Variants in FUT8 observed in about 807,000 individuals in gnomAD.
FUT8 encodes the protein fucosyltransferase 8.
In FUT8, 29 loss-of-function variants were observed where a neutral mutation model predicts 71.3. That is an observed-to-expected ratio of 0.41 (90% CI 0.30 to 0.55). The LOEUF (loss-of-function observed/expected upper bound fraction) is 0.55. Among genes scored for constraint, FUT8 ranks in the 20% least tolerant of loss-of-function variants. FUT8 has a pLI of 0.34. For missense variants in FUT8, 544 were observed against 702.1 expected (o/e 0.77, Z 2.55); for synonymous variants, 254 against 239.3 (o/e 1.06, Z -0.57).
chr14:65,593,161 T>G (rs1446426828), intron 3 of FUT8, among the ~76,000 whole-genome samples: 1 of 152,224 alleles, frequency 6.6e-6, no homozygotes, highest in Admixed American at 6.5e-5. Flanking sequence ...GATTTTACCT[T>G]ATTTTCTGAA....
chr14:65,393,652 G>A, the FUT8 span, among the ~76,000 whole-genome samples: 2 of 152,188 alleles, frequency 1.3e-5, no homozygotes, highest in East Asian at 3.8e-4. Context: ...GCTTGCTTTA[G>A]AATCTGGCAT....
rs964692252 is a variant in FUT8 at position 65,650,018 on chromosome 14, T to C, written c.598-19225T>C. Among the ~76,000 whole-genome samples the C allele has an allele frequency of 4.6e-5, 7 of 152,112 alleles. No homozygotes were observed. The East Asian group carries it at 5.8e-4, about 13-fold the overall frequency. ...ACACTGCTATAAAGAAATACCTGGC[T>C]GGGTGCGGTGGCTCACGCCTGTAAT... On this transcript the variant is annotated intron_variant, in intron 6 of 10. Coordinates refer to ENST00000673929, the MANE Select transcript of FUT8 (RefSeq NM_001371533.1).
chr14:65,424,113 C>T (rs2065345813), intron 1 of FUT8, among the ~76,000 whole-genome samples: 1 of 152,130 alleles, frequency 6.6e-6, no homozygotes, highest in Non-Finnish European at 1.5e-5. Context: ...TTTATAGTAT[C>T]GTACTAAACA....
intron 8 of FUT8, among the ~76,000 whole-genome samples, chr14:65,723,373 G>GA (rs1191710063): frequency 6.6e-6 from 1 of 151,938 alleles, no homozygotes; most frequent in East Asian, 1.9e-4. Context: ...GGAGAGAGGA[G>GA]AAAACTGTGG....
chr14:65,421,742 C>CA (rs1417292839), intron 1 of FUT8, among the ~76,000 whole-genome samples: 4 of 57,198 alleles, frequency 7.0e-5, no homozygotes, highest in Admixed American at 2.4e-4. Flanking sequence ...TTAACCCACC[C>CA]CCCCCTTTTT....
At chr14:65,386,118 C>T in the FUT8 span, among the ~76,000 whole-genome samples, 1 of 151,420 alleles carries the variant, frequency 6.6e-6, no homozygotes, top group Non-Finnish European at 1.5e-5. Flanking sequence ...CGCCCTTGCA[C>T]TCCAGCCTGG....
chr14:65,409,860 G>T (rs1320298821), upstream of FUT8, among the ~76,000 whole-genome samples: 1 of 152,184 alleles, frequency 6.6e-6, no homozygotes, highest in Non-Finnish European at 1.5e-5. This position sits in a 1 kb window ranked among gnomAD's most constrained non-coding sequence, Gnocchi z 5.4. Flanking sequence ...AACAGAACTT[G>T]TCTTTAACTT....
At chr14:65,596,038 A>T (rs1441068481) in intron 3 of FUT8, among the ~76,000 whole-genome samples, 1 of 152,220 alleles carries the variant, frequency 6.6e-6, no homozygotes, top group Non-Finnish European at 1.5e-5. Flanking sequence ...ATATAAATTT[A>T]TCTAATAACA....
chr14:65,630,380 A>G (rs1353408305), intron 6 of FUT8, among the ~76,000 whole-genome samples: 1 of 152,204 alleles, frequency 6.6e-6, no homozygotes, highest in East Asian at 1.9e-4. Context: ...ACACCGTCTT[A>G]CATATATGTA....
chr14:65,469,972 T>C (rs1594667123), intron 2 of FUT8, among the ~76,000 whole-genome samples: 1 of 152,096 alleles, frequency 6.6e-6, no homozygotes, highest in Non-Finnish European at 1.5e-5. Context: ...GGCCTGAAGG[T>C]GGGGTCTATC....
At chr14:65,567,468 G>T (rs185152642) in intron 3 of FUT8, among the ~76,000 whole-genome samples, 151 of 151,938 alleles carry the variant, frequency 9.9e-4, no homozygotes, top group Middle Eastern at 3.4e-3. Context: ...TAAAAAGTGG[G>T]TTGCCTTTGT....
At chr14:65,523,695 T>C (rs1242324862) in intron 2 of FUT8, among the ~76,000 whole-genome samples, 1 of 152,268 alleles carries the variant, frequency 6.6e-6, no homozygotes, top group Non-Finnish European at 1.5e-5. Flanking sequence ...TCTGGAGTTT[T>C]TATGGTTTTA....
At chr14:65,580,070 T>TTTTA (rs1555372883) in intron 3 of FUT8, among the ~76,000 whole-genome samples, 7 of 142,846 alleles carry the variant, frequency 4.9e-5, no homozygotes, top group South Asian at 2.2e-4. Context: ...GTGCTATATT[T>TTTTA]TATATATATA....
chr14:65,742,503 C>A lies in FUT8; in HGVS notation c.*93C>A. 1 of 1,072,904 alleles carries A rather than the reference C, an allele frequency of 9.3e-7. No individual in the cohort carries two copies. The allele number at this position is 1,072,904 out of a possible 1,614,324, so 66.5% of individuals were successfully genotyped here. On this transcript the variant is annotated 3_prime_UTR_variant, in exon 11 of 11. Coordinates refer to ENST00000673929, the MANE Select transcript of FUT8 (RefSeq NM_001371533.1). ...AACTGTAGATGAAGAGGGCTCTGATCTAACAAAATAAGGTTATATGAGTAG... is the reference window on the plus strand; with the variant it reads ...AACTGTAGATGAAGAGGGCTCTGATATAACAAAATAAGGTTATATGAGTAG...
chr14:65,379,175 A>G, the FUT8 span, among the ~76,000 whole-genome samples: 2,827 of 152,250 alleles, frequency 0.019, 90 homozygotes, highest in African/African-American at 0.065. Context: ...AACAAATAAA[A>G]ATAACATGCA....
chr14:65,601,856 T>A (rs189117788), intron 3 of FUT8, among the ~76,000 whole-genome samples: 2 of 152,296 alleles, frequency 1.3e-5, no homozygotes, highest in Admixed American at 1.3e-4. Context: ...GAAAATAATA[T>A]AACCCCATGT....
chr14:65,421,747 C>CCCCCTT (rs57713947), intron 1 of FUT8, among the ~76,000 whole-genome samples: 18 of 79,202 alleles, frequency 2.3e-4, no homozygotes, highest in African/African-American at 6.9e-4. Context: ...CCACCCCCCC[C>CCCCCTT]TTTTTTTTTT....
chr14:65,693,390 G>T (rs911345326), intron 7 of FUT8, among the ~76,000 whole-genome samples: 13 of 152,066 alleles, frequency 8.5e-5, no homozygotes, highest in African/African-American at 3.1e-4. Flanking sequence ...GCCTGCAATC[G>T]CAGGCACTCG....
chr14:65,528,238 C>A (rs1377240258), intron 2 of FUT8, among the ~76,000 whole-genome samples: 1 of 152,234 alleles, frequency 6.6e-6, no homozygotes, highest in Non-Finnish European at 1.5e-5. Context: ...CTACGCAAGC[C>A]TCAGCAATGG....
Sources: gnomAD v4.1 joint callset for allele counts (sites outside exome capture counted in the v4.1 genomes callset) on GRCh38, gnomAD v4.1.1 for gene constraint, Gnocchi (gnomAD v3.1) non-coding constraint, MANE v1.5 for transcripts, NCBI Gene and HGNC (gene_info 2026-07-23, HGNC 2026-07-21) for gene names.